SAFB: variants seen among roughly 807,000 people sequenced by gnomAD.
SAFB encodes scaffold attachment factor B, also known as scaffold attachment factor B1.
A neutral mutation model predicts 101.6 loss-of-function variants in SAFB; 15 were observed. The observed-to-expected ratio is 0.15, with a 90% CI of 0.10 to 0.23. The LOEUF is 0.23. Ranked by LOEUF, SAFB falls within the 10% of genes least tolerant of loss-of-function variation. The pLI is 1.00. For missense variants in SAFB, 930 were observed against 1,104.1 expected (o/e 0.84, Z 2.23); for synonymous variants, 449 against 407.5 (o/e 1.10, Z -1.23).
intron 4 of SAFB, among the ~76,000 whole-genome samples, chr19:5,642,659 T>TTTA (rs1555696827): frequency 7.5e-6 from 1 of 133,074 alleles, no homozygotes; most frequent in African/African-American, 2.8e-5. Context: ...TTCTTTTTTT[T>TTTA]TTTTTTTTTT....
chr19:5,656,013 A>G (rs1482041574), intron 13 of SAFB, among the ~76,000 whole-genome samples: 1 of 152,104 alleles, frequency 6.6e-6, no homozygotes, highest in Non-Finnish European at 1.5e-5. Context: ...ACTCATTTCC[A>G]TTTTTTCTCT....
intron 13 of SAFB, 97 bp downstream of exon 13, chr19:5,654,553 G>T: frequency 1.2e-6 from 1 of 811,250 alleles, no homozygotes; most frequent in South Asian, 1.4e-5. Flanking sequence ...TTTGAAAAAA[G>T]CTTTTGTCGG....
At chr19:5,630,032 G>A (rs142041266) in intron 2 of SAFB, among the ~76,000 whole-genome samples, 69 of 152,150 alleles carry the variant, frequency 4.5e-4, no homozygotes, top group African/African-American at 1.6e-3. Flanking sequence ...ACAGAGTGAG[G>A]CTGTCTCAAA....
intron 5 of SAFB, among the ~76,000 whole-genome samples, chr19:5,646,742 G>A (rs2053835764): frequency 6.6e-6 from 1 of 152,146 alleles, no homozygotes; most frequent in Non-Finnish European, 1.5e-5. Flanking sequence ...CTACTTATTG[G>A]GTATATGTGA....
rs529920848 is a variant in SAFB, at chr19:5,656,930, C to T, written c.1756-311C>T. On this transcript the variant is annotated intron_variant, in intron 13 of 20. Transcript: ENST00000588852. Reference sequence around the variant, plus strand: ...GGACTACAAGCTCCCACCACTATGCCCGGCTAATTTTTTTGTATTTTTAGT... The same window carrying T: ...GGACTACAAGCTCCCACCACTATGCTCGGCTAATTTTTTTGTATTTTTAGT... 3.3e-5 allele frequency among the ~76,000 whole-genome samples: 5 copies of T among 152,094 alleles called. No homozygotes were observed. In the South Asian group the frequency reaches 1.0e-3, roughly 32 times the overall value.
At chr19:5,664,605 A>T in intron 17 of SAFB, 166 bp downstream of exon 17, 1 of 612,704 alleles carries the variant, frequency 1.6e-6, no homozygotes, top group Non-Finnish European at 2.9e-6. Context: ...ATTTGGGATT[A>T]TTTGGGGTTA....
chr19:5,628,755 T>C (rs1376824363), intron 2 of SAFB, among the ~76,000 whole-genome samples: 1 of 152,258 alleles, frequency 6.6e-6, no homozygotes, highest in Admixed American at 6.5e-5. Context: ...CTTCTGTGGC[T>C]CATGATACAT....
In SAFB at chr19:5,657,363, G is replaced by C; in HGVS notation, c.1862+16G>C. 6.5e-7 allele frequency: 1 copy of C among 1,538,280 alleles called. No individual in the cohort carries two copies. The highest frequency in any genetic ancestry group is 1.4e-5 in the African/African-American group (1 of 73,476). The stretch of plus-strand genomic sequence containing the variant: ...AGTCCCATAGGTGAGTAGGGATCCA[G>C]GAACGGTTTGGTGTTTTTCCTAGAA... On this transcript the variant is annotated intron_variant, in intron 14 of 20. Transcript: ENST00000588852.
chr19:5,658,273 C>G (rs1008979554), intron 14 of SAFB, among the ~76,000 whole-genome samples: 12 of 152,196 alleles, frequency 7.9e-5, no homozygotes, highest in African/African-American at 2.7e-4. Flanking sequence ...GCAGGGATTA[C>G]AGGCATGAGC....
Position 5,637,343 on chromosome 19 carries a change from C to CAA in SAFB, c.275-4234_275-4233dup, listed in dbSNP as rs553264134. 3.0e-3 allele frequency among the ~76,000 whole-genome samples: 203 copies of CAA among 67,222 alleles called. 1 individual carries two copies. Among genetic ancestry groups the CAA allele is most frequent in the African/African-American group, 9.7e-3 (179 of 18,416 alleles). 44.1% of individuals were successfully genotyped at this position (67,222 alleles called of 152,430 possible). On this transcript the variant is annotated intron_variant, in intron 2 of 20. Transcript: ENST00000588852. ...TGGGCTACAGAGCCAGACTCCATCTCAAAAAAAAAAAAAAAAAATTGATTT... is the reference window on the plus strand; with the variant it reads ...TGGGCTACAGAGCCAGACTCCATCTCAAAAAAAAAAAAAAAAAAAATTGATTT...
rs986832477 is a variant in SAFB, at chr19:5,641,482, G to A, written c.275-112G>A. 5 of 832,120 alleles carry A rather than the reference G, an allele frequency of 6.0e-6. No homozygotes were observed. The African/African-American group carries it at 8.4e-5, about 14-fold the overall frequency. The allele number at this position is 832,120 out of a possible 1,614,324, so 51.5% of individuals were successfully genotyped here. A position where few individuals can be genotyped will look rare whatever the true frequency, so the allele number is the denominator to read the frequency against. ...CTGGATTAGGAAGTGTTCCTAAGTA[G>A]TGAGGTGTCTCAGATGTTTATAAAG... On this transcript the variant is annotated intron_variant, in intron 2 of 20. Transcript: ENST00000588852.
At chr19:5,659,265 A>G (rs1052571621) in intron 14 of SAFB, among the ~76,000 whole-genome samples, 2 of 152,044 alleles carry the variant, frequency 1.3e-5, no homozygotes, top group African/African-American at 4.8e-5. Flanking sequence ...AGATTCCACC[A>G]TTGCACTCCA....
intron 13 of SAFB, 72 bp downstream of exon 13, chr19:5,654,528 A>G (rs1356492894): frequency 4.4e-6 from 4 of 900,446 alleles, no homozygotes; most frequent in Non-Finnish European, 5.6e-6. Flanking sequence ...CGTCTTAGGG[A>G]ATTACTAAGC....
intron 14 of SAFB, among the ~76,000 whole-genome samples, chr19:5,658,381 A>C (rs1359220737): frequency 6.6e-6 from 1 of 152,226 alleles, no homozygotes; most frequent in Non-Finnish European, 1.5e-5. Flanking sequence ...TTTTCTATGA[A>C]ATACTTCGTT....
intron 20 of SAFB, 35 bp from the exon 21 acceptor site, chr19:5,668,127 A>G: frequency 2.5e-6 from 4 of 1,598,746 alleles, no homozygotes; most frequent in South Asian, 2.2e-5. Flanking sequence ...GAGCAGGAGG[A>G]CTTCGCAGTC....
intron 2 of SAFB, among the ~76,000 whole-genome samples, chr19:5,627,190 G>T (rs1022902434): frequency 3.3e-5 from 5 of 151,664 alleles, no homozygotes; most frequent in Admixed American, 1.3e-4. Flanking sequence ...AAAAAAAAGG[G>T]GGGTGGGGGC....
chr19:5,666,212 G>GA (rs1189103091), intron 17 of SAFB: 1 of 152,230 alleles, frequency 6.6e-6, no homozygotes, highest in Non-Finnish European at 1.5e-5. Context: ...TAGCTTTTGT[G>GA]AAAGTCAGGC....
chr19:5,633,293 A>C (rs1203847820), intron 2 of SAFB, among the ~76,000 whole-genome samples: 1 of 152,240 alleles, frequency 6.6e-6, no homozygotes, highest in Non-Finnish European at 1.5e-5. Context: ...TACAATGTGC[A>C]AAACGTTCCA....
chr19:5,662,659 G>A (rs77083427), intron 15 of SAFB, among the ~76,000 whole-genome samples: 9 of 110,320 alleles, frequency 8.2e-5, no homozygotes, highest in African/African-American at 3.0e-4. Context: ...TTTTTTTTTT[G>A]AGATAGAGTC....
Sources: gnomAD v4.1 joint callset for allele counts (sites outside exome capture counted in the v4.1 genomes callset) on GRCh38, gnomAD v4.1.1 for gene constraint, MANE v1.5 for transcripts, NCBI Gene and HGNC (gene_info 2026-07-23, HGNC 2026-07-21) for gene names.